PRELID2: variants seen among roughly 807,000 people sequenced by gnomAD.
PRELID2 encodes PRELI domain containing 2, also known as PRELI domain-containing protein 2.
PRELID2 carries 25 observed loss-of-function variants against 28.4 expected under a neutral mutation model. The ratio of observed to expected loss-of-function variants is 0.88; its 90% CI spans 0.64 to 1.23. The LOEUF (loss-of-function observed/expected upper bound fraction) is 1.23. Ranked by LOEUF, PRELID2 falls within the 50% of genes most tolerant of loss-of-function variation. The pLI is 0.00. For missense variants in PRELID2, 201 were observed against 214.4 expected (o/e 0.94, Z 0.39); for synonymous variants, 76 against 71.6 (o/e 1.06, Z -0.31).
chr5:145,308,392 T>C, the PRELID2 span, among the ~76,000 whole-genome samples: 5 of 152,242 alleles, frequency 3.3e-5, no homozygotes, highest in African/African-American at 7.2e-5. Context: ...TTCTGTAACG[T>C]GATATTTTAA....
At chr5:145,623,613 ATAAATAGATAGGTAGG>A (rs1753803097) in intron 1 of PRELID2, among the ~76,000 whole-genome samples, 1 of 152,070 alleles carries the variant, frequency 6.6e-6, no homozygotes, top group African/African-American at 2.4e-5. Flanking sequence ...AGACAGATAG[ATAAATAGATAGGTAGG>A]TAGATAGGTA....
the PRELID2 span, among the ~76,000 whole-genome samples, chr5:145,326,102 A>G: frequency 2.6e-5 from 4 of 152,114 alleles, no homozygotes; most frequent in African/African-American, 7.2e-5. Context: ...TCAATCTTTG[A>G]GCTCAAGCGA....
chr5:145,818,036 G>C lies in PRELID2; in HGVS notation c.226C>G (p.Pro76Ala). Residue 76 changes from proline to alanine, a missense_variant, in exon 4 of 7, where the codon CCT (proline) becomes GCT (alanine). Transcript: ENST00000683046. ...GACTCCTCTTCTAATTGGATATTAGGTACTTTCAAAATGCTCACCTGTCCA... is the reference window on the plus strand; with the variant it reads ...GACTCCTCTTCTAATTGGATATTAGCTACTTTCAAAATGCTCACCTGTCCA... ...ILRKVSILKV[P>A]NIQLEEESWL... The C allele has an allele frequency of 1.9e-6, 3 of 1,611,936 alleles. No individual in the cohort carries two copies. The highest frequency in any genetic ancestry group is 2.5e-6 in the Non-Finnish European group (3 of 1,178,998).
At chr5:145,699,266 G>A (rs1755353282) in intron 1 of PRELID2, among the ~76,000 whole-genome samples, 1 of 152,136 alleles carries the variant, frequency 6.6e-6, no homozygotes, top group Admixed American at 6.5e-5. Flanking sequence ...ATTTGAGGAA[G>A]AGGAGCCTTG....
chr5:145,508,593 AC>A (rs1752433239), intron 1 of PRELID2, among the ~76,000 whole-genome samples: 3 of 152,078 alleles, frequency 2.0e-5, no homozygotes, highest in Non-Finnish European at 4.4e-5. Flanking sequence ...AAGAAAGAAA[AC>A]ATTGTGTCTG....
intron 1 of PRELID2, among the ~76,000 whole-genome samples, chr5:145,751,316 A>T (rs762073016): frequency 5.9e-5 from 9 of 152,196 alleles, no homozygotes; most frequent in Non-Finnish European, 1.2e-4. Flanking sequence ...CAGAACATGG[A>T]AATTTCAGGA....
chr5:145,525,653 C>G (rs1243837417), intron 1 of PRELID2, among the ~76,000 whole-genome samples: 1 of 152,144 alleles, frequency 6.6e-6, no homozygotes, highest in Admixed American at 6.6e-5. Flanking sequence ...GTGCTTCTCT[C>G]CTCAGGCAAA....
At chr5:145,507,884 T>G (rs1399419638) in intron 1 of PRELID2, among the ~76,000 whole-genome samples, 1 of 152,142 alleles carries the variant, frequency 6.6e-6, no homozygotes, top group East Asian at 1.9e-4. Context: ...AATTTTCCCA[T>G]GAGGTAGGTA....
the PRELID2 span, among the ~76,000 whole-genome samples, chr5:145,405,413 A>G: frequency 1.3e-5 from 2 of 152,180 alleles, no homozygotes; most frequent in Non-Finnish European, 2.9e-5. Context: ...TTTATAAAGA[A>G]AAGAGGTTTA....
intron 1 of PRELID2, among the ~76,000 whole-genome samples, chr5:145,611,297 G>A (rs1410197937): frequency 6.6e-6 from 1 of 151,964 alleles, no homozygotes; most frequent in Non-Finnish European, 1.5e-5. Flanking sequence ...CCAAGTAGTT[G>A]AGATTACAGG....
rs1319077556 is a variant in PRELID2, at chr5:145,758,929, T to TA, written c.*1606dup. 5.3e-5 allele frequency: 8 copies of TA among 151,028 alleles called. No individual in the cohort carries two copies. Among genetic ancestry groups the TA allele is most frequent in the African/African-American group, 1.9e-4 (8 of 41,096 alleles). 9.4% of individuals were successfully genotyped at this position (151,028 alleles called of 1,614,324 possible). On this transcript the variant is annotated 3_prime_UTR_variant, in exon 7 of 7. Coordinates refer to ENST00000683046, the MANE Select transcript of PRELID2 (RefSeq NM_205846.3). ...ATTGCTTTGAAATTCATCAATGGAT[T>TA]AAGTGGAAAAATTTTCAGACATTTT...
the PRELID2 span, among the ~76,000 whole-genome samples, chr5:145,412,732 TC>T: frequency 4.6e-5 from 7 of 152,172 alleles, no homozygotes; most frequent in African/African-American, 1.7e-4. Flanking sequence ...CATTAGTTTG[TC>T]CTCAAACTGC....
intron 1 of PRELID2, among the ~76,000 whole-genome samples, chr5:145,542,064 G>A (rs1410489433): frequency 1.3e-5 from 2 of 152,054 alleles, no homozygotes; most frequent in Non-Finnish European, 2.9e-5. Flanking sequence ...TAAACAGTCT[G>A]GAAGGACATA....
chr5:145,761,389 T>A (rs1242592962), intron 6 of PRELID2, among the ~76,000 whole-genome samples: 1 of 152,236 alleles, frequency 6.6e-6, no homozygotes, highest in Non-Finnish European at 1.5e-5. Context: ...TTTAACTTCC[T>A]GTTATTATCA....
the PRELID2 span, among the ~76,000 whole-genome samples, chr5:145,364,091 A>C: frequency 6.6e-6 from 1 of 152,008 alleles, no homozygotes; most frequent in African/African-American, 2.4e-5. Flanking sequence ...CTATTGCTTC[A>C]TAAGAGCTAC....
chr5:145,800,031 T>C (rs936090035), intron 4 of PRELID2, among the ~76,000 whole-genome samples: 1 of 152,100 alleles, frequency 6.6e-6, no homozygotes, highest in Non-Finnish European at 1.5e-5. Context: ...TACATCTCTG[T>C]GGAAAGGAAA....
At chr5:145,481,403 AC>A (rs1752157888) in intron 1 of PRELID2, among the ~76,000 whole-genome samples, 1 of 151,842 alleles carries the variant, frequency 6.6e-6, no homozygotes, top group Non-Finnish European at 1.5e-5. Flanking sequence ...GAACACAGAG[AC>A]CCTAAAACAA....
chr5:145,558,880 T>C (rs1447624313), intron 1 of PRELID2, among the ~76,000 whole-genome samples: 1 of 152,188 alleles, frequency 6.6e-6, no homozygotes, highest in Non-Finnish European at 1.5e-5. Context: ...TGATGCACAT[T>C]TTCTATAATC....
At chr5:145,568,975 C>G (rs1752992532) in intron 1 of PRELID2, among the ~76,000 whole-genome samples, 1 of 152,238 alleles carries the variant, frequency 6.6e-6, no homozygotes. Flanking sequence ...TCCTTCTGGT[C>G]TATTGCTGTT....
Sources: gnomAD v4.1 joint callset for allele counts (sites outside exome capture counted in the v4.1 genomes callset) on GRCh38, gnomAD v4.1.1 for gene constraint, MANE v1.5 for transcripts, NCBI Gene and HGNC (gene_info 2026-07-23, HGNC 2026-07-21) for gene names.